Variants in SV2B observed in about 807,000 individuals in gnomAD.
SV2B encodes synaptic vesicle glycoprotein 2B, also known as solute carrier family 22 member B2.
In SV2B, 41 loss-of-function variants were observed where a neutral mutation model predicts 73.9. The ratio of observed to expected loss-of-function variants is 0.56; its 90% confidence interval spans 0.43 to 0.72. SV2B has a LOEUF of 0.72. Ranked by LOEUF, SV2B falls within the 30% of genes least tolerant of loss-of-function variation. SV2B has a pLI of 0.00. For synonymous variants in SV2B, 314 were observed against 314.2 expected (o/e 1.00, Z 0.01); for missense variants, 764 against 857.8 (o/e 0.89, Z 1.37).
intron 1 of SV2B, among the ~76,000 whole-genome samples, chr15:91,215,356 C>A (rs1039266534): frequency 6.6e-6 from 1 of 152,188 alleles, no homozygotes. Context: ...TTTCCCTCCT[C>A]CTTCTGTTTT....
At position 91,197,710 on chromosome 15, in the gene SV2B, A is replaced by G. The variant is rs934580976; in HGVS notation, c.-391-28163A>G. ...AATCTCTAAAATATAATGTTGTGCT[A>G]AAAAGCAAGGATACTTGCTATATAA... On this transcript the variant is annotated intron_variant, in intron 1 of 12. Coordinates refer to ENST00000394232, the MANE Select transcript of SV2B (RefSeq NM_001323032.3). This position sits in a 1 kb window ranked among gnomAD's most constrained non-coding sequence, Gnocchi z 4.9. Among the ~76,000 whole-genome samples the G allele has an allele frequency of 1.3e-5, 2 of 152,202 alleles. No individual in the cohort carries two copies. The highest frequency in any genetic ancestry group is 1.5e-5 in the Non-Finnish European group (1 of 68,042).
At chr15:91,168,332 A>AGAG (rs1567308862) in intron 1 of SV2B, among the ~76,000 whole-genome samples, 1 of 78,316 alleles carries the variant, frequency 1.3e-5, no homozygotes, top group African/African-American at 4.3e-5. Flanking sequence ...GAGAGAGAGA[A>AGAG]AAGAAATTTC....
In SV2B at chr15:91,277,457, C is replaced by T. The variant is rs571122563; in HGVS notation, c.1374-4271C>T. 1.4e-4 allele frequency among the ~76,000 whole-genome samples: 22 copies of T among 152,298 alleles called. No homozygotes were observed. The South Asian group carries it at 3.9e-3, about 27-fold the overall frequency. ...GCAAGATACAGGACAATTCCATTAC[C>T]TCCTGGATTTCCCCATGCCATTTTG... On this transcript the variant is annotated intron_variant, in intron 9 of 12. Coordinates refer to ENST00000394232, the MANE Select transcript of SV2B (RefSeq NM_001323032.3).
Position 91,236,746 on chromosome 15 carries a change from T to TGACTTG in SV2B, c.451+10033_451+10034insACTTGG, listed in dbSNP as rs1224592659. 3.5e-4 allele frequency among the ~76,000 whole-genome samples: 53 copies of TGACTTG among 152,268 alleles called. No homozygotes were observed. The highest frequency in any genetic ancestry group is 9.4e-4 in the African/African-American group (39 of 41,560). ...TAAATCTGCAGTCTGGGCAGACACCTGGCCCCTATTCCACTTGACATTACC... is the reference window on the plus strand; with the variant it reads ...TAAATCTGCAGTCTGGGCAGACACCTGACTTGGGCCCCTATTCCACTTGACATTACC... On this transcript the variant is annotated intron_variant, in intron 2 of 12. Transcript: ENST00000394232. The surrounding 1 kb of genome is among the most constrained non-coding windows in gnomAD (Gnocchi z 4.1).
chr15:91,180,253 CG>C (rs1165752936), intron 1 of SV2B, among the ~76,000 whole-genome samples: 1 of 152,034 alleles, frequency 6.6e-6, no homozygotes, highest in African/African-American at 2.4e-5. Context: ...GAGTTTCTGC[CG>C]AGAGATCAGC....
chr15:91,258,283 T>C lies in SV2B; in HGVS notation c.785-138T>C. The C allele has an allele frequency of 8.3e-7, 1 of 1,202,866 alleles. No homozygotes were observed. The allele number at this position is 1,202,866 out of a possible 1,614,324, so 74.5% of individuals were successfully genotyped here. A position where few individuals can be genotyped will look rare whatever the true frequency, so the allele number is the denominator to read the frequency against. On this transcript the variant is annotated intron_variant, in intron 4 of 12. Transcript: ENST00000394232. The surrounding 1 kb of genome is among the most constrained non-coding windows in gnomAD (Gnocchi z 4.7). ...GACTCAGAAGCTTCGGAGGCACAGC[T>C]GAGGAGTCTGCATTTTAACCACCTC...
At chr15:91,168,156 C>T (rs148090207) in intron 1 of SV2B, among the ~76,000 whole-genome samples, 2 of 152,106 alleles carry the variant, frequency 1.3e-5, no homozygotes, top group African/African-American at 4.8e-5. Context: ...TTTTGCCACG[C>T]CTTTCAATTT....
intron 1 of SV2B, among the ~76,000 whole-genome samples, chr15:91,207,507 G>T (rs11073987): frequency 0.25 from 38,607 of 151,840 alleles, 8,010 homozygotes; most frequent in African/African-American, 0.58. Context: ...TTTGTTCGCC[G>T]GCATACCAAG....
chr15:91,251,682 T>C, intron 2 of SV2B, 137 bp from the exon 3 acceptor site: 2 of 1,094,036 alleles, frequency 1.8e-6, no homozygotes, highest in Non-Finnish European at 2.6e-6. Context: ...GCCACAAATA[T>C]CACATTCCAC....
chr15:91,293,599 A>T lies in SV2B; in HGVS notation c.*1047A>T, dbSNP rs1209085791. On this transcript the variant is annotated 3_prime_UTR_variant, in exon 13 of 13. Transcript: ENST00000394232. ...CCCAAAAACAATGTGAGATGTGTTCAGTGGCCTCTGGTACTCTTTGCAGGC... is the reference window on the plus strand; with the variant it reads ...CCCAAAAACAATGTGAGATGTGTTCTGTGGCCTCTGGTACTCTTTGCAGGC... 2 of 152,254 alleles carry T rather than the reference A, an allele frequency of 1.3e-5. No individual in the cohort carries two copies. The highest frequency in any genetic ancestry group is 4.8e-5 in the African/African-American group (2 of 41,470). The allele number at this position is 152,254 out of a possible 1,614,324, so 9.4% of individuals were successfully genotyped here.
At position 91,130,069 on chromosome 15, in the gene SV2B, G is replaced by A. The variant is rs895598687; in HGVS notation, c.-392+29706G>A. On this transcript the variant is annotated intron_variant, in intron 1 of 12. Coordinates refer to ENST00000394232, the MANE Select transcript of SV2B (RefSeq NM_001323032.3). This position sits in a 1 kb window ranked among gnomAD's most constrained non-coding sequence, Gnocchi z 5.6. ...GGGGCCACGTGGGCAGCTGTGGCCA[G>A]CATGCAGGTCAGGCGTGCCAAGGCC... 2.0e-5 allele frequency among the ~76,000 whole-genome samples: 3 copies of A among 152,212 alleles called. No homozygotes were observed. Among genetic ancestry groups the A allele is most frequent in the Non-Finnish European group, 4.4e-5 (3 of 68,038 alleles).
In SV2B at chr15:91,242,613, A is replaced by AGT. The variant is rs2047063884; in HGVS notation, c.452-9202_452-9201dup. ...GAACATTCTAGATAGAGGAAAGAGC[A>AGT]GTGTGAAGACTCTGAGGTGGGAGAG... On this transcript the variant is annotated intron_variant, in intron 2 of 12. Coordinates refer to ENST00000394232, the MANE Select transcript of SV2B (RefSeq NM_001323032.3). This position sits in a 1 kb window ranked among gnomAD's most constrained non-coding sequence, Gnocchi z 4.9. Among the ~76,000 whole-genome samples the AGT allele has an allele frequency of 6.6e-6, 1 of 152,224 alleles. No individual in the cohort carries two copies. Among genetic ancestry groups the AGT allele is most frequent in the South Asian group, 2.1e-4 (1 of 4,834 alleles).
At chr15:91,256,157 T>C (rs1567400187) in intron 4 of SV2B, among the ~76,000 whole-genome samples, 2 of 152,164 alleles carry the variant, frequency 1.3e-5, no homozygotes, top group Non-Finnish European at 2.9e-5. Flanking sequence ...TTACCAGCTG[T>C]TTGTGAAATC....
In SV2B at chr15:91,224,031, C is replaced by T. The variant is rs1252099549; in HGVS notation, c.-391-1842C>T. Among the ~76,000 whole-genome samples the T allele has an allele frequency of 6.6e-6, 1 of 152,194 alleles. No homozygotes were observed. Among genetic ancestry groups the T allele is most frequent in the East Asian group, 1.9e-4 (1 of 5,198 alleles). ...ATGTTTGAGAACCACTGGTTTCCAT[C>T]CTCTCAGAAGGAAATGCATTGTATT... is the stretch of plus-strand genomic sequence containing the variant. On this transcript the variant is annotated intron_variant, in intron 1 of 12. Coordinates refer to ENST00000394232, the MANE Select transcript of SV2B (RefSeq NM_001323032.3). This position sits in a 1 kb window ranked among gnomAD's most constrained non-coding sequence, Gnocchi z 4.9.
chr15:91,250,232 T>C (rs1224390270), intron 2 of SV2B, among the ~76,000 whole-genome samples: 1 of 151,632 alleles, frequency 6.6e-6, no homozygotes, highest in African/African-American at 2.4e-5. Context: ...ATAAATGTGA[T>C]ACACCACATT....
intron 1 of SV2B, among the ~76,000 whole-genome samples, chr15:91,171,779 G>T (rs370789617): frequency 9.6e-4 from 146 of 152,208 alleles, no homozygotes; most frequent in African/African-American, 3.4e-3. Context: ...GTTTTCTTTT[G>T]GCATTTTGAC....
intron 1 of SV2B, among the ~76,000 whole-genome samples, chr15:91,155,718 T>C (rs2040578): frequency 0.45 from 67,924 of 151,902 alleles, 16,256 homozygotes; most frequent in East Asian, 0.66. Context: ...GAAAAAAAAC[T>C]GGTGAGTCAA....
At chr15:91,246,899 T>A (rs1213960475) in intron 2 of SV2B, among the ~76,000 whole-genome samples, 1 of 152,222 alleles carries the variant, frequency 6.6e-6, no homozygotes, top group East Asian at 1.9e-4. Flanking sequence ...GCTTTCTAAC[T>A]AGTTCCTTAT....
At chr15:91,225,377 G>A (rs374409334) in intron 1 of SV2B, among the ~76,000 whole-genome samples, 5 of 152,128 alleles carry the variant, frequency 3.3e-5, no homozygotes, top group African/African-American at 7.2e-5. Context: ...TTAGAAAAGC[G>A]GCATTTTCGT....
Sources: allele counts gnomAD v4.1 joint callset (sites outside exome capture counted in the v4.1 genomes callset), GRCh38; gene constraint gnomAD v4.1.1; non-coding constraint Gnocchi (gnomAD v3.1); transcripts MANE v1.5; gene names NCBI Gene and HGNC (gene_info 2026-07-23, HGNC 2026-07-21).